SHISA9: variants seen among roughly 807,000 people sequenced by gnomAD.
SHISA9 encodes protein shisa-9.
A neutral mutation model predicts 38.0 loss-of-function variants in SHISA9; 13 were observed. That is an observed-to-expected ratio of 0.34 (90% CI 0.22 to 0.54). The LOEUF (loss-of-function observed/expected upper bound fraction) is 0.54. Ranked by LOEUF, SHISA9 falls within the 20% of genes least tolerant of loss-of-function variation. The pLI, the probability that SHISA9 is intolerant of heterozygous loss-of-function variation, is 0.91. For synonymous variants in SHISA9, 275 were observed against 242.0 expected (o/e 1.14, Z -1.27); for missense variants, 538 against 575.8 (o/e 0.93, Z 0.67).
chr16:13,425,010 T>C, the SHISA9 span, among the ~76,000 whole-genome samples: 1 of 152,242 alleles, frequency 6.6e-6, no homozygotes, highest in Non-Finnish European at 1.5e-5. Flanking sequence ...TACCATGGAA[T>C]ACTACACAGC....
rs903557886 is a variant in SHISA9, at chr16:13,190,306, C to A, written c.692-13088C>A. 4.0e-5 allele frequency among the ~76,000 whole-genome samples: 6 copies of A among 151,198 alleles called. No individual in the cohort carries two copies. The East Asian group carries it at 1.2e-3, about 30-fold the overall frequency. ...CCATGTGTTCTCATTGTTCAATTCC[C>A]ACCTATGAGTGAGAATATGCAAAAC... On this transcript the variant is annotated intron_variant, in intron 2 of 4. Coordinates refer to ENST00000558583, the MANE Select transcript of SHISA9 (RefSeq NM_001145204.3).
chr16:13,459,526 C>T, the SHISA9 span, among the ~76,000 whole-genome samples: 6,464 of 152,188 alleles, frequency 0.042, 266 homozygotes, highest in Admixed American at 0.13. Context: ...TCAGGGGGAC[C>T]TTATCACCTT....
At chr16:13,557,102 A>G in the SHISA9 span, among the ~76,000 whole-genome samples, 2 of 152,236 alleles carry the variant, frequency 1.3e-5, no homozygotes, top group East Asian at 3.9e-4. Flanking sequence ...TAAGTGTTCA[A>G]TAAATATTGA....
the SHISA9 span, among the ~76,000 whole-genome samples, chr16:13,554,680 C>T: frequency 1.3e-5 from 2 of 152,032 alleles, no homozygotes; most frequent in Admixed American, 1.3e-4. Context: ...TTAGCAGAGA[C>T]GTGGTTTCAC....
chr16:13,193,226 G>T (rs995188143), intron 2 of SHISA9, among the ~76,000 whole-genome samples: 1 of 152,182 alleles, frequency 6.6e-6, no homozygotes, highest in Non-Finnish European at 1.5e-5. Context: ...GTTATAACAT[G>T]CTGTGTGGCT....
Position 13,213,295 on chromosome 16 carries a change from C to T in SHISA9, c.890C>T (p.Pro297Leu). ...TGGGCAGTATCGACACTTAAGTCAC[C>T]AAAAGGTACTGTACAGCTTTTTCTA... is the stretch of plus-strand genomic sequence containing the variant. The part of the protein sequence containing the change: ...GDWAVSTLKS[P>L]KADKVNDDFY... Residue 297 changes from proline to leucine, a missense_variant, in exon 4 of 5, where the codon CCA (proline) becomes CTA (leucine). Transcript: ENST00000558583. 6.4e-7 allele frequency: 1 copy of T among 1,551,626 alleles called. No individual in the cohort carries two copies. Among genetic ancestry groups the T allele is most frequent in the East Asian group, 2.4e-5 (1 of 40,914 alleles).
At chr16:13,280,248 T>G in the SHISA9 span, among the ~76,000 whole-genome samples, 4 of 151,478 alleles carry the variant, frequency 2.6e-5, no homozygotes, top group African/African-American at 9.7e-5. Flanking sequence ...TCCATTAATT[T>G]CTGTTCTTTC....
intron 2 of SHISA9, among the ~76,000 whole-genome samples, chr16:13,048,255 T>C (rs2141895752): frequency 6.6e-6 from 1 of 152,362 alleles, no homozygotes; most frequent in South Asian, 2.1e-4. Context: ...ATAATTTGTC[T>C]GATTTTTCCA....
intron 2 of SHISA9, among the ~76,000 whole-genome samples, chr16:12,922,404 C>G (rs1293181332): frequency 6.6e-6 from 1 of 152,248 alleles, no homozygotes; most frequent in African/African-American, 2.4e-5. Flanking sequence ...ACTGCTCCAG[C>G]CCTCTGTGCA....
intron 2 of SHISA9, among the ~76,000 whole-genome samples, chr16:13,082,919 C>A (rs1292034485): frequency 6.6e-6 from 1 of 152,192 alleles, no homozygotes; most frequent in Non-Finnish European, 1.5e-5. Flanking sequence ...GAGTCCATCA[C>A]CTCCTTCATT....
At chr16:13,304,434 A>AT in the SHISA9 span, among the ~76,000 whole-genome samples, 1 of 151,914 alleles carries the variant, frequency 6.6e-6, no homozygotes, top group African/African-American at 2.4e-5. Context: ...TAATTTTTGT[A>AT]TTTTTTGTAG....
chr16:13,213,939 A>T (rs1596737966), intron 4 of SHISA9, among the ~76,000 whole-genome samples: 1 of 152,184 alleles, frequency 6.6e-6, no homozygotes, highest in Non-Finnish European at 1.5e-5. Flanking sequence ...CAGGCTGTGT[A>T]GGCATTGTCA....
At chr16:13,317,037 T>C in the SHISA9 span, among the ~76,000 whole-genome samples, 2 of 152,196 alleles carry the variant, frequency 1.3e-5, no homozygotes, top group Non-Finnish European at 2.9e-5. Context: ...ACAGCTTCCC[T>C]GTCCCAGACT....
chr16:13,136,607 C>T (rs1199628016), intron 2 of SHISA9, among the ~76,000 whole-genome samples: 5 of 151,926 alleles, frequency 3.3e-5, no homozygotes, highest in South Asian at 2.1e-4. Context: ...ACTATGTTGG[C>T]TGGGCTGGTC....
chr16:13,217,080 G>A (rs1202899108), intron 4 of SHISA9, among the ~76,000 whole-genome samples: 1 of 151,236 alleles, frequency 6.6e-6, no homozygotes, highest in Non-Finnish European at 1.5e-5. Context: ...GACCATCCTG[G>A]CTAACACGGT....
At chr16:13,521,942 A>G in the SHISA9 span, among the ~76,000 whole-genome samples, 7 of 152,190 alleles carry the variant, frequency 4.6e-5, no homozygotes, top group Non-Finnish European at 1.0e-4. Flanking sequence ...TAACTTCATT[A>G]TTTAACTGTT....
chr16:13,179,305 C>T (rs1200506969), intron 2 of SHISA9, among the ~76,000 whole-genome samples: 5 of 151,976 alleles, frequency 3.3e-5, no homozygotes, highest in Non-Finnish European at 4.4e-5. Flanking sequence ...GAGCAAGACT[C>T]TGTCTCAATA....
chr16:12,909,656 C>T, intron 1 of SHISA9: 2 of 964,878 alleles, frequency 2.1e-6, no homozygotes, highest in Non-Finnish European at 2.5e-6. Context: ...ATGTCATCTT[C>T]TCTGAGAAGC....
intron 2 of SHISA9, among the ~76,000 whole-genome samples, chr16:12,998,713 T>A (rs1236297501): frequency 6.6e-6 from 1 of 152,164 alleles, no homozygotes; most frequent in Non-Finnish European, 1.5e-5. Context: ...ATTTTATTTA[T>A]TTATTTTTTA....
Sources: gnomAD v4.1 joint callset for allele counts (sites outside exome capture counted in the v4.1 genomes callset) on GRCh38, gnomAD v4.1.1 for gene constraint, MANE v1.5 for transcripts, NCBI Gene and HGNC (gene_info 2026-07-23, HGNC 2026-07-21) for gene names.